The following NAPA variants were observed in gnomAD, a reference collection of about 807,000 sequenced individuals.
NAPA encodes alpha-soluble NSF attachment protein.
In NAPA, 18 loss-of-function variants were observed where a neutral mutation model predicts 48.0. That is an observed-to-expected ratio of 0.38 (90% CI 0.26 to 0.56). The LOEUF (loss-of-function observed/expected upper bound fraction) is 0.56. Ranked by LOEUF, NAPA falls within the 20% of genes least tolerant of loss-of-function variation. NAPA has a pLI of 0.77. For missense variants in NAPA, 315 were observed against 385.0 expected (o/e 0.82, Z 1.52); for synonymous variants, 152 against 149.9 (o/e 1.01, Z -0.10).
intron 8 of NAPA, chr19:47,491,150 G>GAGC (rs766058545): frequency 5.9e-5 from 21 of 356,488 alleles, no homozygotes; most frequent in Non-Finnish European, 9.9e-5. Context: ...GGGGACAAAT[G>GAGC]AGCACATCCT....
chr19:47,505,191 A>G (rs1309946283), intron 1 of NAPA: 2 of 152,170 alleles, frequency 1.3e-5, no homozygotes, highest in African/African-American at 4.8e-5. Context: ...AGTCCCACCA[A>G]ATGGATTTCA....
rs371699083 is a variant in NAPA, at chr19:47,491,999, G to C, written c.666+16C>G. On this transcript the variant is annotated intron_variant, in intron 8 of 10. Transcript: ENST00000263354. Reference sequence around the variant, plus strand: ...GTGGCCTGGTGCGGTGGTCCTGCGGGCGTGGGGTGTGCTACCTTGGCGTTG... The same window carrying C: ...GTGGCCTGGTGCGGTGGTCCTGCGGCCGTGGGGTGTGCTACCTTGGCGTTG... The C allele has an allele frequency of 6.0e-5, 97 of 1,609,576 alleles. No homozygotes were observed. The highest frequency in any genetic ancestry group is 7.7e-5 in the Non-Finnish European group (91 of 1,176,434).
chr19:47,511,078 C>T (rs967434159), intron 1 of NAPA, among the ~76,000 whole-genome samples: 4 of 152,246 alleles, frequency 2.6e-5, no homozygotes, highest in Non-Finnish European at 5.9e-5. Context: ...CTGACTTGCC[C>T]TTTGACAGGG....
At chr19:47,492,181 C>T (rs1306880558) in intron 7 of NAPA, 62 bp from the exon 8 acceptor site, 1 of 1,422,956 alleles carries the variant, frequency 7.0e-7, no homozygotes, top group Non-Finnish European at 9.8e-7. Context: ...GCCAGAGCCA[C>T]TGCCAGGCAC....
intron 8 of NAPA, 87 bp downstream of exon 8, chr19:47,491,928 G>C: frequency 1.7e-6 from 2 of 1,184,500 alleles, no homozygotes; most frequent in Non-Finnish European, 2.5e-6. Flanking sequence ...GGAGGAGCAC[G>C]TCCCTCTTCG....
chr19:47,490,224 G>T (rs998962774), intron 9 of NAPA, among the ~76,000 whole-genome samples: 2 of 148,100 alleles, frequency 1.4e-5, no homozygotes, highest in Non-Finnish European at 3.0e-5. Flanking sequence ...GTCATGTGTG[G>T]TGTGTGTGCA....
At chr19:47,491,686 G>A (rs576954837) in intron 8 of NAPA, among the ~76,000 whole-genome samples, 3 of 152,322 alleles carry the variant, frequency 2.0e-5, no homozygotes, top group Non-Finnish European at 2.9e-5. Flanking sequence ...AGGGACTCTC[G>A]TCCCAGCCTC....
intron 9 of NAPA, among the ~76,000 whole-genome samples, chr19:47,490,418 T>G (rs1408512900): frequency 1.5e-5 from 2 of 137,424 alleles, no homozygotes; most frequent in Non-Finnish European, 3.1e-5. Context: ...TAGCGTGTGG[T>G]GTGATGTGTG....
Position 47,506,159 on chromosome 19 carries a change from T to C in NAPA, c.99-2657A>G, listed in dbSNP as rs1968690081. 2.0e-5 allele frequency among the ~76,000 whole-genome samples: 3 copies of C among 151,968 alleles called. No homozygotes were observed. The highest frequency in any genetic ancestry group is 4.4e-5 in the Non-Finnish European group (3 of 67,992). ...ATTACAGATGTGTGCCATCACACCC[T>C]ACTAATTTTTGTATTATTAGTAGAG... is the stretch of plus-strand genomic sequence containing the variant. On this transcript the variant is annotated intron_variant, in intron 1 of 10. Transcript: ENST00000263354. The surrounding 1 kb of genome is among the most constrained non-coding windows in gnomAD (Gnocchi z 4.0).
At chr19:47,492,459 G>A (rs968374981) in intron 7 of NAPA, 4 of 412,438 alleles carry the variant, frequency 9.7e-6, no homozygotes, top group African/African-American at 8.1e-5. Context: ...GCGGCGGCAG[G>A]CGGTGGGAAC....
In NAPA at chr19:47,492,120, C is replaced by T. The variant is rs1209827536; in HGVS notation, c.562-1G>A. 6.2e-7 allele frequency: 1 copy of T among 1,613,314 alleles called. No homozygotes were observed. Among genetic ancestry groups the T allele is most frequent in the Admixed American group, 1.7e-5 (1 of 59,958 alleles). ...GGCTGTCCATGGCATTGGTCCCCAC[C>T]TGTAGCCATGGAGAAGTGGCACTGG... On this transcript the variant is annotated splice_acceptor_variant, in intron 7 of 10. Transcript: ENST00000263354. LOFTEE classifies it high-confidence loss of function.
At chr19:47,514,572 C>T (rs1429092096) in intron 1 of NAPA, among the ~76,000 whole-genome samples, 1 of 152,164 alleles carries the variant, frequency 6.6e-6, no homozygotes, top group Non-Finnish European at 1.5e-5. Flanking sequence ...TCCCCTTCCT[C>T]GCCTCAAGAT....
chr19:47,505,994 CTTTT>C (rs760461648), intron 1 of NAPA, among the ~76,000 whole-genome samples: 1 of 126,942 alleles, frequency 7.9e-6, no homozygotes, highest in Non-Finnish European at 1.7e-5. Context: ...GGAGTGACTT[CTTTT>C]TTTTTTTTTT....
Position 47,493,192 on chromosome 19 carries a change from A to G in NAPA, c.421-18T>C, listed in dbSNP as rs768221720. 1.3e-6 allele frequency: 2 copies of G among 1,574,058 alleles called. No homozygotes were observed. The highest frequency in any genetic ancestry group is 4.5e-5 in the East Asian group (2 of 44,404). On this transcript the variant is annotated intron_variant, in intron 5 of 10. Coordinates refer to ENST00000263354, the MANE Select transcript of NAPA (RefSeq NM_003827.4). This position sits in a 1 kb window ranked among gnomAD's most constrained non-coding sequence, Gnocchi z 6.4. Reference sequence around the variant, plus strand: ...GCAATGGCCTGGGGAGACACGGGGGATGGGTTCCAGGGGAGGGCAGGGAAG... The same window carrying G: ...GCAATGGCCTGGGGAGACACGGGGGGTGGGTTCCAGGGGAGGGCAGGGAAG...
intron 3 of NAPA, chr19:47,496,928 C>A (rs753346231): frequency 1.3e-5 from 6 of 445,536 alleles, no homozygotes; most frequent in African/African-American, 1.2e-4. Context: ...AGAGAAGGTA[C>A]AGCACTCAGT....
downstream of NAPA, among the ~76,000 whole-genome samples, chr19:47,487,132 C>T (rs998966821): frequency 1.3e-5 from 2 of 152,176 alleles, no homozygotes; most frequent in African/African-American, 4.8e-5. Context: ...CCTGCTATCT[C>T]CTCCCCCACT....
intron 9 of NAPA, 25 bp from the exon 10 acceptor site, chr19:47,489,786 T>C: frequency 6.2e-7 from 1 of 1,613,372 alleles, no homozygotes; most frequent in African/African-American, 1.3e-5. Flanking sequence ...CAGAGAGGGG[T>C]CAGGGGCCTA....
intron 2 of NAPA, 134 bp downstream of exon 2, chr19:47,503,289 A>C: frequency 1.3e-6 from 1 of 784,952 alleles, no homozygotes; most frequent in Non-Finnish European, 2.2e-6. Flanking sequence ...AGAGCAGGCC[A>C]GTGGCTTTCC....
At chr19:47,509,534 A>G (rs1023135334) in intron 1 of NAPA, among the ~76,000 whole-genome samples, 3 of 152,086 alleles carry the variant, frequency 2.0e-5, no homozygotes, top group Admixed American at 6.5e-5. Flanking sequence ...CCCAGCAGAG[A>G]GCTGGCCACA....
Sources: allele counts gnomAD v4.1 joint callset (sites outside exome capture counted in the v4.1 genomes callset), GRCh38; gene constraint gnomAD v4.1.1; non-coding constraint Gnocchi (gnomAD v3.1); transcripts MANE v1.5; gene names NCBI Gene and HGNC (gene_info 2026-07-23, HGNC 2026-07-21).